The following WDR91 variants were observed in gnomAD, a reference collection of about 807,000 sequenced individuals.
WDR91 encodes WD repeat-containing protein 91.
In WDR91, 52 loss-of-function variants were observed where a neutral mutation model predicts 88.4. The ratio of observed to expected loss-of-function variants is 0.59; its 90% CI spans 0.47 to 0.74. The LOEUF (loss-of-function observed/expected upper bound fraction) is 0.74. Ranked by LOEUF, WDR91 falls within the 30% of genes least tolerant of loss-of-function variation. WDR91 has a pLI of 0.00. For missense variants in WDR91, 824 were observed against 954.5 expected (o/e 0.86, Z 1.80); for synonymous variants, 362 against 389.5 (o/e 0.93, Z 0.83).
chr7:135,209,712 T>A lies in WDR91; in HGVS notation c.167A>T (p.Tyr56Phe), dbSNP rs1294209090. Reference protein sequence around the residue: ...VDQLQQLMQVYDLAALRDYWS... With the variant: ...VDQLQQLMQVFDLAALRDYWS... ...ATAATCCCGAAGGGCAGCCAAGTCA[T>A]ACACCTGCATTAACTGCTGCAGCTG... Residue 56 changes from tyrosine (Y) to phenylalanine (F), a missense_variant, in exon 2 of 15, where the codon TAT becomes TTT. By Grantham distance (22) the Tyr-to-Phe change is conservative. Coordinates refer to ENST00000354475, the MANE Select transcript of WDR91 (RefSeq NM_014149.4). 1 of 1,611,608 alleles carries A rather than the reference T, an allele frequency of 6.2e-7. No homozygotes were observed. The highest frequency in any genetic ancestry group is 8.5e-7 in the Non-Finnish European group (1 of 1,179,242).
Position 135,184,319 on chromosome 7 carries a change from C to G in WDR91, c.*1832G>C, listed in dbSNP as rs1455527814. 1 of 152,162 alleles carries G rather than the reference C, an allele frequency of 6.6e-6. No homozygotes were observed. The highest frequency in any genetic ancestry group is 1.5e-5 in the Non-Finnish European group (1 of 68,014). The allele number at this position is 152,162 out of a possible 1,614,324, so 9.4% of individuals were successfully genotyped here. ...TGGTACCAATTTCTTCGTGCTTTTC[C>G]TCAAGCAGGTAACTAGGAGTATCCC... On this transcript the variant is annotated 3_prime_UTR_variant, in exon 15 of 15. Coordinates refer to ENST00000354475, the MANE Select transcript of WDR91 (RefSeq NM_014149.4).
chr7:135,188,330 A>C, intron 13 of WDR91, 103 bp downstream of exon 13: 1 of 869,428 alleles, frequency 1.2e-6, no homozygotes, highest in Non-Finnish European at 1.9e-6. Context: ...AAGCTGCAAA[A>C]AGAGGCCCCA....
At chr7:135,207,897 CACTGGAGGGCCCACAAAGTTA>C (rs1430175110) in intron 3 of WDR91, among the ~76,000 whole-genome samples, 19 of 152,190 alleles carry the variant, frequency 1.2e-4, no homozygotes, top group African/African-American at 4.6e-4. Context: ...GTTTCGATTT[CACTGGAGGGCCCACAAAGTTA>C]ACTGGAGAGC....
chr7:135,209,486 G>A, intron 2 of WDR91, 90 bp downstream of exon 2: 1 of 1,312,702 alleles, frequency 7.6e-7, no homozygotes, highest in South Asian at 1.6e-5. Flanking sequence ...GTCACATACA[G>A]ATTCCTCCCT....
At chr7:135,207,953 C>T (rs759653411) in intron 3 of WDR91, among the ~76,000 whole-genome samples, 3 of 152,162 alleles carry the variant, frequency 2.0e-5, no homozygotes, top group East Asian at 3.8e-4. Flanking sequence ...GAGGGAACAA[C>T]GGGGAAGAAA....
At chr7:135,186,399 A>T in intron 14 of WDR91, 84 bp from the exon 15 acceptor site, 1 of 1,453,572 alleles carries the variant, frequency 6.9e-7, no homozygotes, top group Non-Finnish European at 9.3e-7. Flanking sequence ...CTACCTGAGG[A>T]TGTGCCTGAG....
intron 6 of WDR91, among the ~76,000 whole-genome samples, chr7:135,203,046 T>A (rs1831628964): frequency 6.6e-6 from 1 of 152,190 alleles, no homozygotes; most frequent in Non-Finnish European, 1.5e-5. Context: ...GCTCAATTCA[T>A]CCTTCCCTGG....
chr7:135,196,391 G>A lies in WDR91; in HGVS notation c.1051-54C>T. 6.9e-7 allele frequency: 1 copy of A among 1,454,858 alleles called. No homozygotes were observed. The highest frequency in any genetic ancestry group is 9.1e-7 in the Non-Finnish European group (1 of 1,099,308). 90.1% of individuals were successfully genotyped at this position (1,454,858 alleles called of 1,614,324 possible). On this transcript the variant is annotated intron_variant, in intron 7 of 14. Coordinates refer to ENST00000354475, the MANE Select transcript of WDR91 (RefSeq NM_014149.4). The surrounding 1 kb of genome is among the most constrained non-coding windows in gnomAD (Gnocchi z 4.2). ...GCCAGGAAAGGGTCCCCCACACCAGGGTGTACACCGCAGGGGGTCTAGGCC... is the reference window on the plus strand; with the variant it reads ...GCCAGGAAAGGGTCCCCCACACCAGAGTGTACACCGCAGGGGGTCTAGGCC...
rs1485488319 is a variant in WDR91, at chr7:135,204,244, TAGAG to T, written c.891+20_891+23del. Reference sequence around the variant, plus strand: ...CTGTCACGGCCTTCTTGGCCAGAGTTAGAGAGGCAGGACTTGTGCTTACCTGACC... The same window carrying T: ...CTGTCACGGCCTTCTTGGCCAGAGTTAGGCAGGACTTGTGCTTACCTGACC... On this transcript the variant is annotated intron_variant, in intron 6 of 14. Transcript: ENST00000354475. 1.4e-5 allele frequency: 23 copies of T among 1,611,472 alleles called. No homozygotes were observed. The East Asian group carries it at 5.1e-4, about 36-fold the overall frequency.
In WDR91 at chr7:135,198,167, C is replaced by G. The variant is rs547255177; in HGVS notation, c.892-16G>C. On this transcript the variant is annotated splice_polypyrimidine_tract_variant and intron_variant, in intron 6 of 14. Transcript: ENST00000354475. ...CCTTGGTGCCCTAGAGGAAAAGAAG[C>G]TGGCTGTGAAGTCTCTTCCCATCTG... 6.2e-7 allele frequency: 1 copy of G among 1,606,730 alleles called. No homozygotes were observed. The highest frequency in any genetic ancestry group is 8.5e-7 in the Non-Finnish European group (1 of 1,176,580).
intron 11 of WDR91, among the ~76,000 whole-genome samples, chr7:135,192,922 C>G (rs1179307579): frequency 6.6e-6 from 1 of 152,124 alleles, no homozygotes; most frequent in Non-Finnish European, 1.5e-5. Flanking sequence ...CTACTGCTGG[C>G]TGCTGCTGCT....
At chr7:135,209,051 G>A (rs1483805120) in intron 2 of WDR91, 53 bp from the exon 3 acceptor site, 1 of 1,530,952 alleles carries the variant, frequency 6.5e-7, no homozygotes, top group African/African-American at 1.4e-5. Context: ...AAATCCAGAG[G>A]TAAGACTCTT....
rs1265466996 is a variant in WDR91, at chr7:135,184,530, A to G, written c.*1621T>C. 1 of 152,304 alleles carries G rather than the reference A, an allele frequency of 6.6e-6. No individual in the cohort carries two copies. Among genetic ancestry groups the G allele is most frequent in the African/African-American group, 2.4e-5 (1 of 41,452 alleles). 9.4% of individuals were successfully genotyped at this position (152,304 alleles called of 1,614,324 possible). ...GCCTCAGCTGTGAAAGGCAAGAGGG[A>G]GAAGGGGAGTGAGGCTCTTGTTCCT... On this transcript the variant is annotated 3_prime_UTR_variant, in exon 15 of 15. Coordinates refer to ENST00000354475, the MANE Select transcript of WDR91 (RefSeq NM_014149.4).
chr7:135,195,216 A>G (rs1831317615), intron 8 of WDR91, 132 bp from the exon 9 acceptor site: 1 of 913,732 alleles, frequency 1.1e-6, no homozygotes, highest in Non-Finnish European at 1.6e-6. Flanking sequence ...CTACATTCAA[A>G]GGACTGGTAT....
At chr7:135,204,520 G>A (rs1247934774) in intron 5 of WDR91, 87 bp from the exon 6 acceptor site, 17 of 1,445,212 alleles carry the variant, frequency 1.2e-5, no homozygotes, top group Admixed American at 2.0e-5. Context: ...TATGGATGAC[G>A]TTAAGTGACC....
Position 135,186,029 on chromosome 7 carries a change from T to C in WDR91, c.*122A>G, listed in dbSNP as rs1830923095. The C allele has an allele frequency of 1.7e-6, 2 of 1,204,462 alleles. No homozygotes were observed. The highest frequency in any genetic ancestry group is 3.4e-5 in the Admixed American group (1 of 29,740). The allele number at this position is 1,204,462 out of a possible 1,614,324, so 74.6% of individuals were successfully genotyped here. ...AAGCACCTGAGCCTCCTTGCCAGTC[T>C]TTCCCTGCAGAGTCACTGCACTGGC... On this transcript the variant is annotated 3_prime_UTR_variant, in exon 15 of 15. Coordinates refer to ENST00000354475, the MANE Select transcript of WDR91 (RefSeq NM_014149.4).
intron 13 of WDR91, 163 bp downstream of exon 13, chr7:135,188,270 G>C: frequency 1.7e-6 from 1 of 575,650 alleles, no homozygotes; most frequent in Non-Finnish European, 3.1e-6. Flanking sequence ...CTAAAACCTC[G>C]CAAAGATTGT....
chr7:135,209,436 C>G, intron 2 of WDR91, 140 bp downstream of exon 2: 1 of 801,374 alleles, frequency 1.2e-6, no homozygotes, highest in Non-Finnish European at 1.8e-6. Flanking sequence ...GAAAAACAGT[C>G]AAAAATAATT....
At position 135,211,242 on chromosome 7, in the gene WDR91, G is replaced by A. The variant is rs1412022558; in HGVS notation, c.123+138C>T. 9 of 1,344,950 alleles carry A rather than the reference G, an allele frequency of 6.7e-6. No individual in the cohort carries two copies. The East Asian group carries it at 2.3e-4, about 35-fold the overall frequency. 83.3% of individuals were successfully genotyped at this position (1,344,950 alleles called of 1,614,324 possible). On this transcript the variant is annotated intron_variant, in intron 1 of 14. Coordinates refer to ENST00000354475, the MANE Select transcript of WDR91 (RefSeq NM_014149.4). The stretch of plus-strand genomic sequence containing the variant: ...CTCAGTTCCTCATCCGTCAAGCTGG[G>A]GTCGGACGCGCTGAGGTCTCCGGCG...
Sources: gnomAD v4.1 joint callset for allele counts (sites outside exome capture counted in the v4.1 genomes callset) on GRCh38, gnomAD v4.1.1 for gene constraint, Gnocchi (gnomAD v3.1) non-coding constraint, MANE v1.5 for transcripts, NCBI Gene and HGNC (gene_info 2026-07-23, HGNC 2026-07-21) for gene names.